The following UBAP2 variants were observed in gnomAD, a reference collection of about 807,000 sequenced individuals.
UBAP2 encodes the protein ubiquitin associated protein 2, also known as ubiquitin-associated protein 2.
Under a neutral mutation model 139.6 loss-of-function variants are expected in UBAP2, and 75 were observed. The ratio of observed to expected loss-of-function variants is 0.54; its 90% confidence interval spans 0.45 to 0.65. UBAP2 has a LOEUF of 0.65. Ranked by LOEUF, UBAP2 falls within the 30% of genes least tolerant of loss-of-function variation. The pLI, the probability that UBAP2 is intolerant of heterozygous loss-of-function variation, is 0.00. For synonymous variants in UBAP2, 526 were observed against 526.2 expected, an observed-to-expected ratio of 1.00 and a Z score of 0.01; for missense variants, 1,368 against 1,369.6, an observed-to-expected ratio of 1.00 and a Z score of 0.02.
intron 2 of UBAP2, among the ~76,000 whole-genome samples, chr9:34,015,408 T>C (rs1480343091): frequency 6.6e-6 from 1 of 152,130 alleles, no homozygotes; most frequent in East Asian, 1.9e-4. Flanking sequence ...AACCTCTGCC[T>C]CCCGGGTTCA....
At chr9:34,029,535 A>G (rs1825706332) in intron 1 of UBAP2, among the ~76,000 whole-genome samples, 2 of 151,794 alleles carry the variant, frequency 1.3e-5, no homozygotes, top group Admixed American at 6.6e-5. Context: ...TCAAAAAAAA[A>G]AAAGAAAATG....
intron 4 of UBAP2, among the ~76,000 whole-genome samples, chr9:33,989,448 G>A (rs1228993472): frequency 2.6e-5 from 4 of 152,088 alleles, no homozygotes; most frequent in Admixed American, 6.6e-5. Context: ...TGATCTGCCC[G>A]CCTTGGCCTC....
chr9:34,034,042 C>G (rs1826118535), intron 1 of UBAP2, among the ~76,000 whole-genome samples: 1 of 152,046 alleles, frequency 6.6e-6, no homozygotes, highest in Non-Finnish European at 1.5e-5. Context: ...GGCTTCAAAT[C>G]AATTCTTAAT....
At chr9:33,943,331 A>G in intron 15 of UBAP2, 89 bp downstream of exon 15, 4 of 1,328,790 alleles carry the variant, frequency 3.0e-6, no homozygotes, top group Non-Finnish European at 4.2e-6. Context: ...AACACTGAGG[A>G]TAGCTATTAC....
At chr9:33,991,067 T>C (rs1821669941) in intron 4 of UBAP2, among the ~76,000 whole-genome samples, 1 of 152,002 alleles carries the variant, frequency 6.6e-6, no homozygotes, top group Admixed American at 6.6e-5. Context: ...GGAAGATCAC[T>C]TGAGGCCAGG....
intron 8 of UBAP2, among the ~76,000 whole-genome samples, chr9:33,969,632 C>T (rs1021908877): frequency 2.7e-5 from 4 of 149,854 alleles, no homozygotes; most frequent in Non-Finnish European, 4.5e-5. Flanking sequence ...TTTGGGAGGC[C>T]AAGGTGAGTG....
rs573598397 is a variant in UBAP2, at chr9:33,923,232, T to C, written c.2958A>G (p.Gly986=). The change falls in exon 26 of 29, where the codon GGA becomes GGG. Residue 986 remains glycine (G), a synonymous_variant. Coordinates refer to ENST00000379238, the MANE Select transcript of UBAP2 (RefSeq NM_001370062.2). ...CAGACTTGTTTGGTGCCTGCGATGA[T>C]CCAGCATAGCCACCTTTGGAGTAGT... is the stretch of plus-strand genomic sequence containing the variant. The part of the protein sequence containing the change: ...AGDYSKGGYA[G]SSQAPNKSAG... 6.2e-7 allele frequency: 1 copy of C among 1,614,216 alleles called. No homozygotes were observed. Among genetic ancestry groups the C allele is most frequent in the South Asian group, 1.1e-5 (1 of 91,088 alleles).
chr9:34,012,150 T>C (rs1344935286), intron 2 of UBAP2, among the ~76,000 whole-genome samples: 1 of 152,216 alleles, frequency 6.6e-6, no homozygotes, highest in Non-Finnish European at 1.5e-5. Context: ...TTGTGGAATG[T>C]TCACATAATT....
At chr9:34,008,065 G>A (rs576026191) in intron 2 of UBAP2, among the ~76,000 whole-genome samples, 2 of 152,128 alleles carry the variant, frequency 1.3e-5, no homozygotes, top group African/African-American at 4.8e-5. Flanking sequence ...AACCTGGGAG[G>A]CGAAGGTTGT....
intron 6 of UBAP2, among the ~76,000 whole-genome samples, chr9:33,984,175 A>G (rs1398405238): frequency 6.6e-6 from 1 of 152,102 alleles, no homozygotes; most frequent in African/African-American, 2.4e-5. Context: ...AAGTGCTGGG[A>G]TTACAGGTAT....
intron 6 of UBAP2, among the ~76,000 whole-genome samples, chr9:33,976,302 T>C (rs1377440713): frequency 6.6e-6 from 1 of 152,154 alleles, no homozygotes; most frequent in African/African-American, 2.4e-5. Context: ...TTATATTATA[T>C]TGCCATAAAA....
chr9:33,950,191 G>C (rs897580898), intron 12 of UBAP2, among the ~76,000 whole-genome samples: 1 of 151,730 alleles, frequency 6.6e-6, no homozygotes, highest in Non-Finnish European at 1.5e-5. Context: ...TCAGCCTCCC[G>C]AGTAGCTGGG....
intron 10 of UBAP2, 32 bp from the exon 11 acceptor site, chr9:33,956,178 T>G (rs1826547542): frequency 6.4e-7 from 1 of 1,554,058 alleles, no homozygotes; most frequent in Non-Finnish European, 8.9e-7. Flanking sequence ...TTAATCTTAT[T>G]CTACATACTA....
chr9:33,974,111 G>T (rs1828111445), intron 6 of UBAP2, among the ~76,000 whole-genome samples: 1 of 152,118 alleles, frequency 6.6e-6, no homozygotes, highest in Non-Finnish European at 1.5e-5. Context: ...GGATCCATGA[G>T]CCCAGGAGTT....
At chr9:34,016,459 T>C (rs1007023249) in intron 2 of UBAP2, among the ~76,000 whole-genome samples, 2 of 151,878 alleles carry the variant, frequency 1.3e-5, no homozygotes, top group Non-Finnish European at 2.9e-5. Context: ...AAGGTTAGCA[T>C]TAAAGAGTTC....
intron 17 of UBAP2, chr9:33,935,616 A>AT: frequency 3.3e-6 from 2 of 599,626 alleles, no homozygotes; most frequent in Non-Finnish European, 5.9e-6. Context: ...GTGCAGTCTG[A>AT]TTAGGGCAGA....
At chr9:34,008,183 T>C (rs940584042) in intron 2 of UBAP2, among the ~76,000 whole-genome samples, 5 of 151,918 alleles carry the variant, frequency 3.3e-5, no homozygotes, top group African/African-American at 1.2e-4. Context: ...CCGGGCATGG[T>C]GGCGCATGCC....
intron 6 of UBAP2, among the ~76,000 whole-genome samples, chr9:33,986,097 G>A (rs1821183750): frequency 6.6e-6 from 1 of 151,908 alleles, no homozygotes; most frequent in Non-Finnish European, 1.5e-5. Context: ...CACTTGCCCA[G>A]GCTGGAGTGC....
At chr9:33,988,825 C>T in intron 5 of UBAP2, 148 bp downstream of exon 5, 4 of 833,464 alleles carry the variant, frequency 4.8e-6, no homozygotes, top group South Asian at 1.8e-5. Flanking sequence ...ATCTTTCAGT[C>T]GTTCAGAATG....
Sources: gnomAD v4.1 joint callset for allele counts (sites outside exome capture counted in the v4.1 genomes callset) on GRCh38, gnomAD v4.1.1 for gene constraint, MANE v1.5 for transcripts, NCBI Gene and HGNC (gene_info 2026-07-23, HGNC 2026-07-21) for gene names.